The following POU6F2 variants were observed in gnomAD, a reference collection of about 807,000 sequenced individuals.
The protein encoded by POU6F2 is POU domain, class 6, transcription factor 2.
In POU6F2, 31 loss-of-function variants were observed where a neutral mutation model predicts 71.3. The observed-to-expected ratio is 0.43, with a 90% CI of 0.33 to 0.59. The LOEUF is 0.59. Among genes scored for constraint, POU6F2 ranks in the 20% least tolerant of loss-of-function variants. The pLI is 0.04. For missense variants in POU6F2, 783 were observed against 856.8 expected, an observed-to-expected ratio of 0.91 and a Z score of 1.07; for synonymous variants, 347 against 355.7, an observed-to-expected ratio of 0.98 and a Z score of 0.27.
intron 6 of POU6F2, among the ~76,000 whole-genome samples, chr7:39,409,535 C>T (rs1787508535): frequency 1.3e-5 from 2 of 152,188 alleles, no homozygotes; most frequent in South Asian, 4.2e-4. Flanking sequence ...ACTTAACCTA[C>T]CTAAGCCATA....
At chr7:39,042,870 G>A (rs1374491847) in intron 1 of POU6F2, among the ~76,000 whole-genome samples, 1 of 151,930 alleles carries the variant, frequency 6.6e-6, no homozygotes, top group Non-Finnish European at 1.5e-5. Flanking sequence ...ACTGGGGCAG[G>A]GAGAATAGAA....
chr7:39,377,484 A>G (rs1473581862), intron 5 of POU6F2, among the ~76,000 whole-genome samples: 1 of 152,204 alleles, frequency 6.6e-6, no homozygotes, highest in Non-Finnish European at 1.5e-5. Flanking sequence ...GTAAATGAAA[A>G]TGTTTGCCAT....
intron 4 of POU6F2, among the ~76,000 whole-genome samples, chr7:39,298,333 C>T (rs914979653): frequency 6.6e-6 from 1 of 152,110 alleles, no homozygotes. Flanking sequence ...ATATCAACCC[C>T]ATCAAAATGT....
chr7:39,035,645 A>C (rs2128710422), intron 1 of POU6F2, among the ~76,000 whole-genome samples: 1 of 152,222 alleles, frequency 6.6e-6, no homozygotes, highest in South Asian at 2.1e-4. Context: ...TTAAAGGGCC[A>C]GGAAGCTGGA....
At chr7:39,376,940 TA>T (rs201040211) in intron 5 of POU6F2, among the ~76,000 whole-genome samples, 19,281 of 148,576 alleles carry the variant, frequency 0.13, 1,400 homozygotes, top group Admixed American at 0.2. Context: ...TAGTATATTT[TA>T]AGTGCATATT....
Position 39,177,168 on chromosome 7 carries a change from A to G in POU6F2, c.278-27067A>G, listed in dbSNP as rs557143637. 5.9e-5 allele frequency among the ~76,000 whole-genome samples: 9 copies of G among 152,330 alleles called. No homozygotes were observed. In the East Asian group the frequency reaches 1.7e-3, roughly 29 times the overall value. ...TGCAAAACCCAGTGTCCATCATTCA[A>G]TGTATTTGTCCCTAGGACACTGGCC... On this transcript the variant is annotated intron_variant, in intron 2 of 9. Transcript: ENST00000518318.
intron 1 of POU6F2, among the ~76,000 whole-genome samples, chr7:39,023,854 AG>A (rs1584505129): frequency 6.6e-6 from 1 of 152,096 alleles, no homozygotes; most frequent in Non-Finnish European, 1.5e-5. Context: ...GAAGCCAGAA[AG>A]GAAAAAGGCC....
intron 1 of POU6F2, among the ~76,000 whole-genome samples, chr7:38,985,663 G>A (rs1179113294): frequency 6.6e-6 from 1 of 152,086 alleles, no homozygotes; most frequent in East Asian, 1.9e-4. Context: ...ATTTCTCTCT[G>A]TTCATATCAG....
chr7:39,287,976 T>G (rs565120139), intron 4 of POU6F2, among the ~76,000 whole-genome samples: 2 of 152,156 alleles, frequency 1.3e-5, no homozygotes, highest in South Asian at 2.1e-4. Flanking sequence ...TAGGGGAGAT[T>G]GCTGACTGGG....
intron 4 of POU6F2, among the ~76,000 whole-genome samples, chr7:39,255,061 T>TATCCTAG (rs1332568393): frequency 3.9e-5 from 6 of 152,236 alleles, no homozygotes; most frequent in African/African-American, 1.4e-4. Flanking sequence ...CCTTTATATA[T>TATCCTAG]ATCCTAGACA....
intron 4 of POU6F2, among the ~76,000 whole-genome samples, chr7:39,226,420 A>G (rs1246951047): frequency 6.6e-6 from 1 of 152,198 alleles, no homozygotes; most frequent in East Asian, 1.9e-4. Context: ...GAATGCATTC[A>G]GCCTTTTACT....
intron 4 of POU6F2, among the ~76,000 whole-genome samples, chr7:39,320,461 A>G (rs1785363932): frequency 6.6e-6 from 1 of 152,282 alleles, no homozygotes; most frequent in East Asian, 1.9e-4. Context: ...CTCTCGGTAA[A>G]GGGTACATTT....
chr7:39,268,612 C>A (rs914750091), intron 4 of POU6F2, among the ~76,000 whole-genome samples: 1 of 152,050 alleles, frequency 6.6e-6, no homozygotes, highest in Non-Finnish European at 1.5e-5. Context: ...TAACATGTGG[C>A]CAGCCTTGCA....
intron 2 of POU6F2, among the ~76,000 whole-genome samples, chr7:39,127,355 A>G (rs1792160837): frequency 6.6e-6 from 1 of 152,222 alleles, no homozygotes; most frequent in Admixed American, 6.5e-5. Context: ...TCTTGGTAGT[A>G]TCTTGGCTTA....
At position 39,004,126 on chromosome 7, in the gene POU6F2, G is replaced by C. The variant is rs139986269; in HGVS notation, c.105+26068G>C. 4.0e-3 allele frequency among the ~76,000 whole-genome samples: 611 copies of C among 152,192 alleles called. 1 individual carries two copies. The highest frequency in any genetic ancestry group is 0.014 in the African/African-American group (582 of 41,524). On this transcript the variant is annotated intron_variant, in intron 1 of 9. Transcript: ENST00000518318. ...TTGATGTTTTGGTAATAATAATTGG[G>C]AAGGCCTAGAACATATTCCTTTTCA...
At chr7:39,019,734 A>G (rs1789638478) in intron 1 of POU6F2, among the ~76,000 whole-genome samples, 1 of 150,440 alleles carries the variant, frequency 6.6e-6, no homozygotes, top group South Asian at 2.1e-4. Context: ...CAACAATTAC[A>G]TTTTGAATTT....
Position 39,406,638 on chromosome 7 carries a change from T to TGCAGCAGCC in POU6F2, c.1012_1020dup (p.Ala338_Ala340dup). ...CACTAGCAAGTCAGGCTGCAGCGGCTGCAGCAGCCATGAGCTCCATAGCAA... is the reference window on the plus strand; with the variant it reads ...CACTAGCAAGTCAGGCTGCAGCGGCTGCAGCAGCCGCAGCAGCCATGAGCTCCATAGCAA... On this transcript the variant is annotated inframe_insertion, in exon 6 of 10. Coordinates refer to ENST00000518318, the MANE Select transcript of POU6F2 (RefSeq NM_001370959.1). 6.2e-7 allele frequency: 1 copy of TGCAGCAGCC among 1,613,478 alleles called. No homozygotes were observed. The highest frequency in any genetic ancestry group is 8.5e-7 in the Non-Finnish European group (1 of 1,179,804).
At chr7:39,234,281 A>G (rs964973608) in intron 4 of POU6F2, among the ~76,000 whole-genome samples, 26 of 152,118 alleles carry the variant, frequency 1.7e-4, no homozygotes, top group Non-Finnish European at 2.8e-4. Flanking sequence ...TGGCACTTGG[A>G]TGCTTTCAGT....
rs146545325 is a variant in POU6F2, at chr7:39,344,967, A to G, written c.972+4952A>G. Among the ~76,000 whole-genome samples, 729 of 152,274 alleles carry G rather than the reference A, an allele frequency of 4.8e-3. 5 individuals are homozygous for G. Among genetic ancestry groups the G allele is most frequent in the African/African-American group, 0.016 (670 of 41,538 alleles). The stretch of plus-strand genomic sequence containing the variant: ...TGAGATGATGGTGAGGCTTGGAAGC[A>G]CTCATCTCAGATGCAGAATTTAAGG... On this transcript the variant is annotated intron_variant, in intron 5 of 9. Transcript: ENST00000518318.
Sources: gnomAD v4.1 joint callset for allele counts (sites outside exome capture counted in the v4.1 genomes callset) on GRCh38, gnomAD v4.1.1 for gene constraint, MANE v1.5 for transcripts, NCBI Gene and HGNC (gene_info 2026-07-23, HGNC 2026-07-21) for gene names.